Variants in EEF1AKMT1 observed in about 807,000 individuals in gnomAD.
EEF1AKMT1 encodes the protein N-6 adenine-specific DNA methyltransferase 2 (putative).
EEF1AKMT1 carries 18 observed loss-of-function variants against 21.0 expected under a neutral mutation model. That is an observed-to-expected ratio of 0.86 (90% CI 0.59 to 1.27). The LOEUF (loss-of-function observed/expected upper bound fraction) is 1.27, where lower values mean the gene tolerates loss of function less well. Among genes scored for constraint, EEF1AKMT1 ranks in the 50% most tolerant of loss-of-function variants. The pLI, the probability that EEF1AKMT1 is intolerant of heterozygous loss-of-function variation, is 0.00. For missense variants in EEF1AKMT1, 246 were observed against 258.6 expected, an observed-to-expected ratio of 0.95 and a Z score of 0.33; for synonymous variants, 109 against 94.8, an observed-to-expected ratio of 1.15 and a Z score of -0.87.
At chr13:20,746,245 C>A (rs1235368085) in intron 2 of EEF1AKMT1, among the ~76,000 whole-genome samples, 1 of 152,042 alleles carries the variant, frequency 6.6e-6, no homozygotes, top group Non-Finnish European at 1.5e-5. Flanking sequence ...CTCCACTTCC[C>A]AGGTTCAAGT....
At chr13:20,759,134 A>G (rs1338511211) in intron 1 of EEF1AKMT1, among the ~76,000 whole-genome samples, 1 of 152,246 alleles carries the variant, frequency 6.6e-6, no homozygotes, top group Non-Finnish European at 1.5e-5. Flanking sequence ...GACAGACCTC[A>G]AAAGTAATTG....
intron 1 of EEF1AKMT1, chr13:20,773,711 C>G (rs2059075089): frequency 6.6e-6 from 1 of 152,406 alleles, no homozygotes; most frequent in Non-Finnish European, 1.5e-5. Flanking sequence ...CGAGGCCCAA[C>G]AGCGCCTAAC....
intron 1 of EEF1AKMT1, among the ~76,000 whole-genome samples, chr13:20,766,228 G>A (rs2059030764): frequency 6.7e-6 from 1 of 148,240 alleles, no homozygotes; most frequent in Admixed American, 6.8e-5. Flanking sequence ...GAACCTGGGA[G>A]GAGGAGGTTG....
At chr13:20,740,479 C>T (rs2058863211) in intron 2 of EEF1AKMT1, among the ~76,000 whole-genome samples, 1 of 152,248 alleles carries the variant, frequency 6.6e-6, no homozygotes, top group African/African-American at 2.4e-5. Context: ...ACACTGTCAC[C>T]TCTCAGTTGG....
chr13:20,748,726 G>GTTTTTTTTTTT (rs750094631), intron 2 of EEF1AKMT1, among the ~76,000 whole-genome samples: 16 of 72,614 alleles, frequency 2.2e-4, no homozygotes, highest in African/African-American at 5.7e-4. Context: ...TTTTTTTTTG[G>GTTTTTTTTTTT]TTTTTTTTTT....
intron 1 of EEF1AKMT1, among the ~76,000 whole-genome samples, chr13:20,770,036 A>G (rs1393592934): frequency 6.6e-6 from 1 of 152,256 alleles, no homozygotes; most frequent in African/African-American, 2.4e-5. Flanking sequence ...TAACTAGAGG[A>G]ATTAAAAGCA....
At chr13:20,761,347 T>C (rs749069845) in intron 1 of EEF1AKMT1, among the ~76,000 whole-genome samples, 1 of 152,228 alleles carries the variant, frequency 6.6e-6, no homozygotes, top group Admixed American at 6.5e-5. Flanking sequence ...TAACTTGAGA[T>C]TGTCATTTTC....
intron 2 of EEF1AKMT1, chr13:20,746,889 CA>C (rs2058908266): frequency 6.6e-6 from 1 of 152,228 alleles, no homozygotes. Flanking sequence ...CATTCCAAAA[CA>C]GCTAAATATG....
At chr13:20,749,851 A>T (rs1363214258) in intron 2 of EEF1AKMT1, among the ~76,000 whole-genome samples, 1 of 152,234 alleles carries the variant, frequency 6.6e-6, no homozygotes, top group Non-Finnish European at 1.5e-5. Context: ...AAGACTTTGT[A>T]GGAGACCGTT....
chr13:20,771,553 A>G (rs2059062829), intron 1 of EEF1AKMT1, among the ~76,000 whole-genome samples: 1 of 152,222 alleles, frequency 6.6e-6, no homozygotes, highest in Non-Finnish European at 1.5e-5. Flanking sequence ...CATATGAAAT[A>G]AATGTTAGAT....
chr13:20,732,037 A>G lies in EEF1AKMT1; in HGVS notation c.312T>C (p.Tyr104=), dbSNP rs577129102. The part of the protein sequence containing the change: ...RENFSIYIFE[Y]DKRFAMYGEE... ...CTCCATACATGGCAAATCTTTTGTC[A>G]TATTCAAAGATGTATATCGAAAAGT... The change falls in exon 4 of 5, where the codon TAT becomes TAC. Residue 104 remains tyrosine (Y), a synonymous_variant. Coordinates refer to ENST00000382758, the MANE Select transcript of EEF1AKMT1 (RefSeq NM_001318939.2). The G allele has an allele frequency of 2.5e-6, 4 of 1,614,242 alleles. No individual in the cohort carries two copies. In the Admixed American group the frequency reaches 6.7e-5, roughly 27 times the overall value.
intron 2 of EEF1AKMT1, among the ~76,000 whole-genome samples, chr13:20,753,749 G>A (rs2058955680): frequency 6.6e-6 from 1 of 151,812 alleles, no homozygotes; most frequent in Non-Finnish European, 1.5e-5. Context: ...CTTGTTTTTG[G>A]CTTCCTTGTG....
At chr13:20,770,430 T>C (rs1394092429) in intron 1 of EEF1AKMT1, among the ~76,000 whole-genome samples, 1 of 152,174 alleles carries the variant, frequency 6.6e-6, no homozygotes, top group Non-Finnish European at 1.5e-5. Context: ...GGGTTGTCTA[T>C]AGAAGTCCCA....
intron 2 of EEF1AKMT1, among the ~76,000 whole-genome samples, chr13:20,756,222 G>C (rs572126566): frequency 6.6e-6 from 1 of 152,092 alleles, no homozygotes; most frequent in Non-Finnish European, 1.5e-5. Context: ...TATTATCAAG[G>C]GGTAGTCACA....
At chr13:20,772,422 G>T (rs2059067323) in intron 1 of EEF1AKMT1, among the ~76,000 whole-genome samples, 1 of 152,158 alleles carries the variant, frequency 6.6e-6, no homozygotes, top group Admixed American at 6.5e-5. Flanking sequence ...TGCCGTAAAT[G>T]GGAAGGAGGG....
intron 1 of EEF1AKMT1, among the ~76,000 whole-genome samples, chr13:20,771,689 A>G (rs1193532270): frequency 6.6e-6 from 1 of 152,256 alleles, no homozygotes; most frequent in Admixed American, 6.5e-5. Flanking sequence ...AGGAAAACTG[A>G]AATCTGTTAG....
intron 2 of EEF1AKMT1, among the ~76,000 whole-genome samples, chr13:20,739,187 G>A (rs900430315): frequency 2.6e-5 from 4 of 152,166 alleles, no homozygotes; most frequent in African/African-American, 4.8e-5. Flanking sequence ...TGCTCCCAGT[G>A]GGTTGGTAAC....
intron 2 of EEF1AKMT1, among the ~76,000 whole-genome samples, chr13:20,755,091 C>T (rs2058964670): frequency 6.7e-6 from 1 of 150,238 alleles, no homozygotes; most frequent in Admixed American, 6.7e-5. Context: ...CACACTTTGG[C>T]TCTAGTCATG....
chr13:20,731,687 C>T (rs1463017702), intron 4 of EEF1AKMT1, among the ~76,000 whole-genome samples, 154 bp downstream of exon 4: 2 of 152,096 alleles, frequency 1.3e-5, no homozygotes, highest in African/African-American at 4.8e-5. Flanking sequence ...TATTATCAGT[C>T]CTAGTTTACA....
Sources: allele counts gnomAD v4.1 joint callset (sites outside exome capture counted in the v4.1 genomes callset), GRCh38; gene constraint gnomAD v4.1.1; transcripts MANE v1.5; gene names NCBI Gene and HGNC (gene_info 2026-07-23, HGNC 2026-07-21).